The following TTI1 variants were observed in gnomAD, a reference collection of about 807,000 sequenced individuals.
TTI1 encodes TELO2 interacting protein 1, also known as TELO2-interacting protein 1 homolog.
A neutral mutation model predicts 85.4 loss-of-function variants in TTI1; 52 were observed. The ratio of observed to expected loss-of-function variants is 0.61; its 90% CI spans 0.49 to 0.77. The LOEUF is 0.77. TTI1 is among the 30% of genes least tolerant of loss of function. TTI1 has a pLI of 0.00. For missense variants in TTI1, 1,173 were observed against 1,296.0 expected (o/e 0.91, Z 1.46); for synonymous variants, 512 against 503.9 (o/e 1.02, Z -0.22).
intron 3 of TTI1, among the ~76,000 whole-genome samples, chr20:38,004,496 C>A (rs578249768): frequency 5.3e-5 from 8 of 152,204 alleles, no homozygotes; most frequent in Admixed American, 2.6e-4. Context: ...GAGAAAGGGA[C>A]CTCAGATATA....
intron 7 of TTI1, chr20:37,987,451 ACTTTTT>A: frequency 2.4e-6 from 1 of 416,456 alleles, no homozygotes; most frequent in Admixed American, 2.9e-5. Flanking sequence ...AAAGAGAAAC[ACTTTTT>A]AAAAAATATA....
Position 37,996,862 on chromosome 20 carries a change from G to A in TTI1, c.2885C>T (p.Thr962Ile), listed in dbSNP as rs1600614079. The part of the protein sequence containing the change: ...VLPKLAGSLV[T>I]QAPISARAGP... The stretch of plus-strand genomic sequence containing the variant: ...AGCCCTGGCACTGATGGGGGCCTGG[G>A]TGACTAGGGAGCCAGCCAGCTTTGG... Residue 962 changes from threonine to isoleucine, a missense_variant, in exon 6 of 8, where the codon ACC becomes ATC. Thr to Ile is a moderately conservative substitution (Grantham distance 89). Coordinates refer to ENST00000373447, the MANE Select transcript of TTI1 (RefSeq NM_001303457.2). The A allele has an allele frequency of 1.9e-6, 3 of 1,614,164 alleles. No homozygotes were observed. Among genetic ancestry groups the A allele is most frequent in the East Asian group, 2.2e-5 (1 of 44,870 alleles).
Position 37,999,235 on chromosome 20 carries a change from G to C in TTI1, c.2746C>G (p.His916Asp). ...LAHQAWPSLV[H>D]RLTRDAPLAV... The stretch of plus-strand genomic sequence containing the variant: ...AGGGGGGCGTCCCGTGTGAGTCGGT[G>C]AACGAGCGAGGGCCAGGCCTGATGA... Residue 916 changes from histidine (H) to aspartate (D), a missense_variant, in exon 5 of 8, where the codon CAC becomes GAC. By Grantham distance (81) the His-to-Asp change is moderately conservative. Transcript: ENST00000373447. 6.6e-7 allele frequency: 1 copy of C among 1,521,422 alleles called. No individual in the cohort carries two copies. Among genetic ancestry groups the C allele is most frequent in the Non-Finnish European group, 8.8e-7 (1 of 1,132,166 alleles). 94.2% of individuals were successfully genotyped at this position (1,521,422 alleles called of 1,614,324 possible). A position where few individuals can be genotyped will look rare whatever the true frequency, so the allele number is the denominator to read the frequency against.
intron 1 of TTI1, among the ~76,000 whole-genome samples, chr20:38,020,323 A>AAAAAAAATATATATATATAT: frequency 4.0e-5 from 2 of 50,384 alleles, no homozygotes; most frequent in East Asian, 5.7e-4. Context: ...AAAAAAAAAA[A>AAAAAAAATATATATATATAT]ATATATATAT....
chr20:37,996,244 G>T, intron 7 of TTI1, 131 bp downstream of exon 7: 3 of 922,746 alleles, frequency 3.3e-6, no homozygotes, highest in East Asian at 2.6e-5. Context: ...TGCTGGCACA[G>T]TTAAAGAATT....
chr20:37,995,178 G>A (rs900343635), intron 7 of TTI1, among the ~76,000 whole-genome samples: 27 of 152,200 alleles, frequency 1.8e-4, no homozygotes, highest in African/African-American at 6.3e-4. Flanking sequence ...CTTAGGATGC[G>A]CCCCTGTGCT....
chr20:37,998,105 T>C (rs960943882), intron 5 of TTI1, among the ~76,000 whole-genome samples: 4 of 152,132 alleles, frequency 2.6e-5, no homozygotes, highest in Non-Finnish European at 5.9e-5. Context: ...AATTTTTGTA[T>C]TTTTAGTGGA....
In TTI1 at chr20:38,012,995, G is replaced by A. The variant is rs1416837134; in HGVS notation, c.822C>T (p.Tyr274=). The change falls in exon 2 of 8, where the codon TAC becomes TAT. Residue 274 remains tyrosine (Y), a synonymous_variant. Coordinates refer to ENST00000373447, the MANE Select transcript of TTI1 (RefSeq NM_001303457.2). Reference sequence around the variant, plus strand: ...TCTTTTTTACCCAATCTGCTTCCCTGTAAACCATCAGCTCTGCTACTCTGT... The same window carrying A: ...TCTTTTTTACCCAATCTGCTTCCCTATAAACCATCAGCTCTGCTACTCTGT... ...VEHRVAELMV[Y]READWVKKTG... is the part of the protein sequence containing the mutation. 3.1e-6 allele frequency: 5 copies of A among 1,613,954 alleles called. No individual in the cohort carries two copies. Among genetic ancestry groups the A allele is most frequent in the Non-Finnish European group, 4.2e-6 (5 of 1,180,026 alleles).
intron 2 of TTI1, 70 bp downstream of exon 2, chr20:38,011,445 G>A (rs1361451077): frequency 2.4e-5 from 37 of 1,530,710 alleles, no homozygotes; most frequent in Non-Finnish European, 3.1e-5. Flanking sequence ...TGCAAAAAAC[G>A]AGGCTAAGCA....
rs1276809866 is a variant in TTI1, at chr20:38,012,855, C to T, written c.962G>A (p.Cys321Tyr). The T allele has an allele frequency of 6.2e-7, 1 of 1,614,040 alleles. No homozygotes were observed. Among genetic ancestry groups the T allele is most frequent in the Non-Finnish European group, 8.5e-7 (1 of 1,180,040 alleles). The change falls in exon 2 of 8, where the codon TGC (cysteine) becomes TAC (tyrosine). Residue 321 changes from cysteine (C) to tyrosine (Y), a missense_variant. Cys to Tyr is a radical substitution (Grantham distance 194). Coordinates refer to ENST00000373447, the MANE Select transcript of TTI1 (RefSeq NM_001303457.2). ...VELVEDLLLK[C>Y]SQSLVECAGP... ...AGCACATTCGACCAATGATTGACTGCACTTCAAAAGAAGGTCCTCCACAAG... is the reference window on the plus strand; with the variant it reads ...AGCACATTCGACCAATGATTGACTGTACTTCAAAAGAAGGTCCTCCACAAG...
chr20:38,016,644 T>A (rs1351903233), intron 1 of TTI1, among the ~76,000 whole-genome samples: 1 of 152,210 alleles, frequency 6.6e-6, no homozygotes, highest in Non-Finnish European at 1.5e-5. Context: ...TTTCATCAAT[T>A]CCACCCCTTT....
chr20:37,989,189 A>AT (rs1426812631), intron 7 of TTI1, among the ~76,000 whole-genome samples: 2 of 152,234 alleles, frequency 1.3e-5, no homozygotes, highest in African/African-American at 4.8e-5. Flanking sequence ...AATACTACCA[A>AT]TTACCTTTGC....
At chr20:37,993,112 C>CTT (rs756506163) in intron 7 of TTI1, among the ~76,000 whole-genome samples, 37 of 125,304 alleles carry the variant, frequency 3.0e-4, no homozygotes, top group African/African-American at 8.5e-4. Flanking sequence ...GGGGAGCTGG[C>CTT]TTTTTTTTTT....
chr20:37,989,869 A>G (rs1365460934), intron 7 of TTI1, among the ~76,000 whole-genome samples: 1 of 152,254 alleles, frequency 6.6e-6, no homozygotes, highest in Admixed American at 6.5e-5. Context: ...GCTCTAGGAA[A>G]TGTCCTTCTG....
At chr20:38,033,274 G>C (rs969073759) in intron 1 of TTI1, 130 bp downstream of exon 1, 3 of 152,306 alleles carry the variant, frequency 2.0e-5, no homozygotes, top group Non-Finnish European at 4.4e-5. Context: ...CCTGGGGCCC[G>C]CCAGATTAGA....
chr20:38,009,190 G>T (rs766418731), intron 2 of TTI1, among the ~76,000 whole-genome samples: 27 of 152,150 alleles, frequency 1.8e-4, no homozygotes, highest in Non-Finnish European at 3.8e-4. Context: ...AGCAGTACAG[G>T]TGGGATATAT....
chr20:38,011,464 G>C (rs368149338), intron 2 of TTI1, 51 bp downstream of exon 2: 1 of 1,574,988 alleles, frequency 6.3e-7, no homozygotes, highest in Non-Finnish European at 8.6e-7. Context: ...CAAACTAGGA[G>C]ACTGAGTCCT....
At chr20:37,999,722 C>T (rs978070433) in intron 4 of TTI1, among the ~76,000 whole-genome samples, 1 of 152,116 alleles carries the variant, frequency 6.6e-6, no homozygotes, top group African/African-American at 2.4e-5. Flanking sequence ...GGAGTTAGTT[C>T]TGTGAAGATT....
rs763501723 is a variant in TTI1, at chr20:38,013,120, C to T, written c.697G>A (p.Val233Ile). 43 of 1,613,992 alleles carry T rather than the reference C, an allele frequency of 2.7e-5. No individual in the cohort carries two copies. In the South Asian group the frequency reaches 3.0e-4, roughly 11 times the overall value. Residue 233 changes from valine (V) to isoleucine (I), a missense_variant, in exon 2 of 8, where the codon GTA becomes ATA. By Grantham distance (29) the Val-to-Ile change is conservative (BLOSUM62 3). Coordinates refer to ENST00000373447, the MANE Select transcript of TTI1 (RefSeq NM_001303457.2). ...TTGTAAAAGATCTTTAGGGAAGATACGACAATGCTGTGACCTTGTTTAAAG... is the reference window on the plus strand; with the variant it reads ...TTGTAAAAGATCTTTAGGGAAGATATGACAATGCTGTGACCTTGTTTAAAG... ...GDFKQGHSIVVSSLKIFYKTV... is the reference protein window; with the variant it reads ...GDFKQGHSIVISSLKIFYKTV...
Sources: allele counts gnomAD v4.1 joint callset (sites outside exome capture counted in the v4.1 genomes callset), GRCh38; gene constraint gnomAD v4.1.1; transcripts MANE v1.5; gene names NCBI Gene and HGNC (gene_info 2026-07-23, HGNC 2026-07-21).